FRMPD2: variants seen among roughly 807,000 people sequenced by gnomAD.
FRMPD2 encodes the protein FERM and PDZ domain containing 2.
In FRMPD2, 96 loss-of-function variants were observed where a neutral mutation model predicts 140.1. The ratio of observed to expected loss-of-function variants is 0.69; its 90% confidence interval spans 0.58 to 0.81. FRMPD2 has a LOEUF of 0.81. Among genes scored for constraint, FRMPD2 ranks in the 40% least tolerant of loss-of-function variants. FRMPD2 has a pLI of 0.00. For synonymous variants in FRMPD2, 449 were observed against 547.6 expected (o/e 0.82, Z 2.52); for missense variants, 1,240 against 1,447.4 (o/e 0.86, Z 2.32).
chr10:48,209,827 G>T (rs1205357560), intron 13 of FRMPD2, among the ~76,000 whole-genome samples: 1 of 152,224 alleles, frequency 6.6e-6, no homozygotes, highest in South Asian at 2.1e-4. Flanking sequence ...GCTAACCTCA[G>T]TATTGTTTTA....
intron 12 of FRMPD2, among the ~76,000 whole-genome samples, chr10:48,221,140 G>T: frequency 6.6e-6 from 1 of 152,092 alleles, no homozygotes; most frequent in Non-Finnish European, 1.5e-5. Flanking sequence ...ACTTGCACAC[G>T]CATGTTTATA....
chr10:48,190,822 T>A (rs530115170), intron 16 of FRMPD2, among the ~76,000 whole-genome samples: 2 of 152,202 alleles, frequency 1.3e-5, no homozygotes, highest in Admixed American at 1.3e-4. Flanking sequence ...AAGCCCCTAC[T>A]GTGCGTGACC....
chr10:48,211,815 T>C, intron 13 of FRMPD2, 139 bp downstream of exon 13: 1 of 672,302 alleles, frequency 1.5e-6, no homozygotes, highest in Non-Finnish European at 2.3e-6. Flanking sequence ...TGCCCCTCCC[T>C]GCCTCCTAGA....
At chr10:48,272,710 T>C (rs1202650941) in intron 1 of FRMPD2, among the ~76,000 whole-genome samples, 2 of 152,244 alleles carry the variant, frequency 1.3e-5, no homozygotes, top group Non-Finnish European at 2.9e-5. Flanking sequence ...AAAATGTTCA[T>C]GCAGATTAAA....
rs763593585 is a variant in FRMPD2 at position 48,244,860 on chromosome 10, G to C, written c.310-11C>G. ...AGAATAGACATGCATCTGCCCAAAA[G>C]AAGAGTACATGATTAGATTTCAATC... On this transcript the variant is annotated splice_polypyrimidine_tract_variant and intron_variant, in intron 3 of 28. Transcript: ENST00000374201. 5.7e-6 allele frequency: 9 copies of C among 1,591,986 alleles called. No homozygotes were observed. Among genetic ancestry groups the C allele is most frequent in the Non-Finnish European group, 6.0e-6 (7 of 1,160,024 alleles).
intron 15 of FRMPD2, among the ~76,000 whole-genome samples, chr10:48,198,452 G>A (rs765666786): frequency 6.6e-6 from 1 of 152,142 alleles, no homozygotes; most frequent in Non-Finnish European, 1.5e-5. Flanking sequence ...CCTTTGAAGT[G>A]CCCAATAGTG....
chr10:48,258,222 C>T (rs1427991927), intron 1 of FRMPD2, among the ~76,000 whole-genome samples: 4 of 152,202 alleles, frequency 2.6e-5, no homozygotes, highest in Non-Finnish European at 5.9e-5. Context: ...CTGCATTTTT[C>T]CCCTGAAGGA....
chr10:48,228,351 T>C (rs1017911838), intron 10 of FRMPD2, among the ~76,000 whole-genome samples: 3 of 151,854 alleles, frequency 2.0e-5, no homozygotes, highest in African/African-American at 7.2e-5. Context: ...AAAATCTTTT[T>C]GGTTACTTAA....
At position 48,178,154 on chromosome 10, in the gene FRMPD2, G is replaced by C. The variant is rs782088849; in HGVS notation, c.2791-3C>G. 7 of 1,471,178 alleles carry C rather than the reference G, an allele frequency of 4.8e-6. No homozygotes were observed. The South Asian group carries it at 8.0e-5, about 17-fold the overall frequency. The allele number at this position is 1,471,178 out of a possible 1,614,324, so 91.1% of individuals were successfully genotyped here. ...GGAGGACAAGAAGAACCAGCACCCT[G>C]CCATAAACAAACAAACAAAAATAAA... is the stretch of plus-strand genomic sequence containing the variant. On this transcript the variant is annotated splice_region_variant and splice_polypyrimidine_tract_variant and intron_variant, in intron 21 of 28. Transcript: ENST00000374201.
intron 16 of FRMPD2, among the ~76,000 whole-genome samples, chr10:48,189,948 T>C (rs1017064244): frequency 3.3e-5 from 5 of 152,144 alleles, no homozygotes; most frequent in African/African-American, 1.2e-4. Context: ...GGGATGACTA[T>C]TACTACCACT....
intron 1 of FRMPD2, among the ~76,000 whole-genome samples, chr10:48,271,676 G>A (rs904939239): frequency 1.3e-5 from 2 of 152,218 alleles, no homozygotes; most frequent in African/African-American, 2.4e-5. Context: ...AGCTGCCAGC[G>A]ACCAGTAAAA....
rs552824263 is a variant in FRMPD2, at chr10:48,269,302, C to G, written c.25+5241G>C. On this transcript the variant is annotated intron_variant, in intron 1 of 28. Transcript: ENST00000374201. ...GTATAGATTTTTCAGAGCCATCTAT[C>G]AAAATTGAGAACATGTATTTGCCAA... Among the ~76,000 whole-genome samples the G allele has an allele frequency of 9.8e-5, 15 of 152,288 alleles. No homozygotes were observed. In the South Asian group the frequency reaches 1.9e-3, roughly 19 times the overall value.
intron 1 of FRMPD2, among the ~76,000 whole-genome samples, chr10:48,264,888 C>G (rs548139983): frequency 1.1e-4 from 16 of 151,846 alleles, no homozygotes; most frequent in African/African-American, 3.6e-4. Flanking sequence ...TATCCAACTT[C>G]AAGAGTTACT....
At position 48,246,500 on chromosome 10, in the gene FRMPD2, G is replaced by A. The variant is rs137975593; in HGVS notation, c.310-1651C>T. Among the ~76,000 whole-genome samples the A allele has an allele frequency of 3.5e-3, 529 of 152,358 alleles. 2 individuals are homozygous for A. Among genetic ancestry groups the A allele is most frequent in the African/African-American group, 0.012 (500 of 41,580 alleles). ...CTGGCTCAGTGGGAAAGAACACCAT[G>A]TTTGATTGGTGATGTCTGCCATGAG... On this transcript the variant is annotated intron_variant, in intron 3 of 28. Coordinates refer to ENST00000374201, the MANE Select transcript of FRMPD2 (RefSeq NM_001018071.4).
chr10:48,191,689 A>T (rs1838833230), intron 16 of FRMPD2, among the ~76,000 whole-genome samples: 1 of 152,234 alleles, frequency 6.6e-6, no homozygotes, highest in Non-Finnish European at 1.5e-5. Flanking sequence ...CCAAAAAAAC[A>T]GCTCCTGCAG....
intron 13 of FRMPD2, among the ~76,000 whole-genome samples, chr10:48,211,101 G>A (rs1224211534): frequency 2.6e-5 from 4 of 152,226 alleles, no homozygotes; most frequent in Non-Finnish European, 4.4e-5. Context: ...GTGTGCCTGT[G>A]GGTAGACCGC....
intron 17 of FRMPD2, among the ~76,000 whole-genome samples, chr10:48,186,274 C>T (rs1838682323): frequency 6.6e-6 from 1 of 152,204 alleles, no homozygotes; most frequent in African/African-American, 2.4e-5. Flanking sequence ...TCAGTCCTTC[C>T]ATGTCTCTCC....
intron 10 of FRMPD2, among the ~76,000 whole-genome samples, chr10:48,230,315 T>G (rs916151674): frequency 2.0e-5 from 3 of 152,234 alleles, no homozygotes; most frequent in Non-Finnish European, 4.4e-5. Flanking sequence ...TATGCTCTCT[T>G]TATAACAGGA....
At chr10:48,232,468 G>A (rs969294963) in intron 9 of FRMPD2, among the ~76,000 whole-genome samples, 179 bp from the exon 10 acceptor site, 7 of 152,174 alleles carry the variant, frequency 4.6e-5, no homozygotes, top group African/African-American at 1.7e-4. Context: ...GAAATGGTAA[G>A]AGTCTTGCCT....
Sources: gnomAD v4.1 joint callset for allele counts (sites outside exome capture counted in the v4.1 genomes callset) on GRCh38, gnomAD v4.1.1 for gene constraint, MANE v1.5 for transcripts, NCBI Gene and HGNC (gene_info 2026-07-23, HGNC 2026-07-21) for gene names.